DAB1: variants seen among roughly 807,000 people sequenced by gnomAD.
The protein encoded by DAB1 is DAB adaptor protein 1.
Under a neutral mutation model 64.6 loss-of-function variants are expected in DAB1, and 15 were observed. That is an observed-to-expected ratio of 0.23 (90% CI 0.16 to 0.36). The LOEUF is 0.36. Among genes scored for constraint, DAB1 ranks in the 10% least tolerant of loss-of-function variants. The pLI is 1.00. For synonymous variants in DAB1, 235 were observed against 251.9 expected (o/e 0.93, Z 0.64); for missense variants, 596 against 706.7 (o/e 0.84, Z 1.78).
chr1:57,543,794 C>G (rs570873931), intron 7 of DAB1, among the ~76,000 whole-genome samples: 1 of 151,956 alleles, frequency 6.6e-6, no homozygotes, highest in Non-Finnish European at 1.5e-5. Context: ...ATTGTTAATG[C>G]TTTTTATTGC....
chr1:58,399,494 G>A (rs1644552194), intron 3 of DAB1, among the ~76,000 whole-genome samples: 1 of 152,160 alleles, frequency 6.6e-6, no homozygotes, highest in Non-Finnish European at 1.5e-5. Context: ...TTTAGATAGG[G>A]AAACCAAGAC....
At chr1:58,252,851 T>C (rs1215495527) in intron 4 of DAB1, among the ~76,000 whole-genome samples, 1 of 152,164 alleles carries the variant, frequency 6.6e-6, no homozygotes, top group East Asian at 1.9e-4. Flanking sequence ...ACTTATCCAA[T>C]TGAGACCCAG....
chr1:57,037,675 G>A (rs55811607), intron 9 of DAB1, among the ~76,000 whole-genome samples: 2,501 of 152,288 alleles, frequency 0.016, 57 homozygotes, highest in African/African-American at 0.057. Context: ...CATGCTAATG[G>A]AGACTAATTC....
rs201894540 is a variant in DAB1 at position 58,521,157 on chromosome 1, A to G, written n.107+6104T>C. Among the ~76,000 whole-genome samples, 8 of 152,326 alleles carry G rather than the reference A, an allele frequency of 5.3e-5. No individual in the cohort carries two copies. The South Asian group carries it at 8.3e-4, about 16-fold the overall frequency. ...CAAAAGGTAACTTTAAAATCATCAAATGTTCAAAAACTAAGCAATATACTT... is the reference window on the plus strand; with the variant it reads ...CAAAAGGTAACTTTAAAATCATCAAGTGTTCAAAAACTAAGCAATATACTT... On this transcript the variant is annotated intron_variant and non_coding_transcript_variant, in intron 2 of 20. Transcript: ENST00000485760.
chr1:57,466,718 T>G (rs752851696), intron 7 of DAB1, among the ~76,000 whole-genome samples: 1 of 152,140 alleles, frequency 6.6e-6, no homozygotes, highest in South Asian at 2.1e-4. Context: ...CTTCCAAACC[T>G]ATTCAGATGG....
rs58957864 is a variant in DAB1, at chr1:57,590,735, AACACACACAC to A, written n.625+58847_625+58856del. Among the ~76,000 whole-genome samples the A allele has an allele frequency of 9.9e-3, 1,317 of 132,394 alleles. 13 individuals carry two copies. The highest frequency in any genetic ancestry group is 0.018 in the Middle Eastern group (5 of 272). The allele number at this position is 132,394 out of a possible 152,430, so 86.9% of individuals were successfully genotyped here. The stretch of plus-strand genomic sequence containing the variant: ...TGGGAAGGAACACATTGTAGTCCGT[AACACACACAC>A]ACACACACACACACACACACACACA... On this transcript the variant is annotated intron_variant and non_coding_transcript_variant, in intron 7 of 20. Transcript: ENST00000485760.
intron 1 of DAB1, among the ~76,000 whole-genome samples, chr1:57,871,643 G>A (rs1252160881): frequency 6.6e-6 from 1 of 152,152 alleles, no homozygotes; most frequent in Non-Finnish European, 1.5e-5. Context: ...GCATCTAAAA[G>A]ACAGTTTTGC....
intron 9 of DAB1, among the ~76,000 whole-genome samples, chr1:57,046,807 C>T (rs1324366817): frequency 1.3e-5 from 2 of 152,162 alleles, no homozygotes; most frequent in Non-Finnish European, 2.9e-5. Context: ...GGAGGGAGTA[C>T]TATTGTTGCT....
chr1:58,375,812 T>A (rs1644318770), intron 3 of DAB1, among the ~76,000 whole-genome samples: 1 of 146,432 alleles, frequency 6.8e-6, no homozygotes, highest in Non-Finnish European at 1.5e-5. Context: ...CATCTGGTCC[T>A]GGACTCTTTT....
At chr1:58,256,158 C>T (rs1467842131) in intron 4 of DAB1, among the ~76,000 whole-genome samples, 1 of 152,164 alleles carries the variant, frequency 6.6e-6, no homozygotes, top group African/African-American at 2.4e-5. Flanking sequence ...GTGTTTTCTC[C>T]CTCTCCAGTG....
intron 3 of DAB1, among the ~76,000 whole-genome samples, chr1:58,382,956 A>T (rs1644402685): frequency 6.6e-6 from 1 of 152,220 alleles, no homozygotes; most frequent in Non-Finnish European, 1.5e-5. Context: ...GGTTAGAGAT[A>T]ACTCCTTTCT....
chr1:57,614,782 A>T (rs1645769389), intron 7 of DAB1, among the ~76,000 whole-genome samples: 1 of 151,624 alleles, frequency 6.6e-6, no homozygotes, highest in African/African-American at 2.4e-5. Flanking sequence ...ATTTTTACTA[A>T]TGTGAATTTT....
chr1:58,517,428 T>C (rs1453182361), intron 2 of DAB1, among the ~76,000 whole-genome samples: 1 of 152,194 alleles, frequency 6.6e-6, no homozygotes, highest in East Asian at 1.9e-4. Context: ...CCTATCAACA[T>C]CTTCATCAGG....
chr1:57,806,155 T>C (rs949868944), intron 6 of DAB1, among the ~76,000 whole-genome samples: 1 of 152,190 alleles, frequency 6.6e-6, no homozygotes, highest in South Asian at 2.1e-4. Flanking sequence ...ACTCTTTCCT[T>C]TGTTCACTCT....
At chr1:57,558,530 C>T (rs1405955971) in intron 7 of DAB1, among the ~76,000 whole-genome samples, 1 of 152,110 alleles carries the variant, frequency 6.6e-6, no homozygotes, top group African/African-American at 2.4e-5. Flanking sequence ...GGAATGGATA[C>T]TGCTTGAGTT....
chr1:57,513,573 T>A (rs188034676), intron 7 of DAB1, among the ~76,000 whole-genome samples: 20 of 152,296 alleles, frequency 1.3e-4, no homozygotes, highest in African/African-American at 4.1e-4. Flanking sequence ...AATTGACAAA[T>A]AAAAATTGCG....
At chr1:58,342,401 T>C (rs993914638) in intron 4 of DAB1, among the ~76,000 whole-genome samples, 2 of 152,198 alleles carry the variant, frequency 1.3e-5, no homozygotes, top group Non-Finnish European at 2.9e-5. Context: ...CAATAGGCAA[T>C]GCCCGTGGGC....
chr1:57,836,342 T>C (rs1235968405), intron 1 of DAB1, among the ~76,000 whole-genome samples: 1 of 152,112 alleles, frequency 6.6e-6, no homozygotes, highest in Non-Finnish European at 1.5e-5. Flanking sequence ...TCCAGGAAAA[T>C]GGCAGCAAAG....
intron 4 of DAB1, among the ~76,000 whole-genome samples, chr1:58,193,041 T>C (rs1657476319): frequency 6.6e-6 from 1 of 152,196 alleles, no homozygotes; most frequent in Non-Finnish European, 1.5e-5. Flanking sequence ...TGCTATGGTT[T>C]GAATATGGCT....
Sources: allele counts gnomAD v4.1 joint callset (sites outside exome capture counted in the v4.1 genomes callset), GRCh38; gene constraint gnomAD v4.1.1; transcripts MANE v1.5; gene names NCBI Gene and HGNC (gene_info 2026-07-23, HGNC 2026-07-21).